SYN1: variants seen among roughly 807,000 people sequenced by gnomAD.
SYN1 encodes synapsin I.
SYN1 carries 8 observed loss-of-function variants against 44.6 expected under a neutral mutation model. That is an observed-to-expected ratio of 0.18 (90% confidence interval 0.11 to 0.32). The LOEUF is 0.32. Among genes scored for constraint, SYN1 ranks in the 10% least tolerant of loss-of-function variants. The pLI, the probability that SYN1 is intolerant of heterozygous loss-of-function variation, is 1.00. For missense variants in SYN1, 451 were observed against 639.4 expected (o/e 0.71, Z 3.18); for synonymous variants, 275 against 280.1 (o/e 0.98, Z 0.18).
intron 5 of SYN1, among the ~76,000 whole-genome samples, chrX:47,583,076 T>G: frequency 1.4e-5 from 1 of 72,212 alleles, no homozygotes; most frequent in African/African-American, 5.6e-5. Flanking sequence ...CAATCCCAAA[T>G]TCCTCACCCC....
chrX:47,575,655 AT>A, intron 9 of SYN1, among the ~76,000 whole-genome samples: 1 of 112,536 alleles, frequency 8.9e-6, no homozygotes, highest in Middle Eastern at 4.6e-3. Context: ...AGCCACACTT[AT>A]TTTTTTAACA....
At chrX:47,616,955 C>T (rs1343536856) in intron 1 of SYN1, among the ~76,000 whole-genome samples, 1 of 110,086 alleles carries the variant, frequency 9.1e-6, no homozygotes, top group Admixed American at 9.7e-5. Flanking sequence ...CAGTAGTATA[C>T]GATAAATGCT....
At chrX:47,601,050 G>A (rs1343405177) in intron 5 of SYN1, among the ~76,000 whole-genome samples, 1 of 111,452 alleles carries the variant, frequency 9.0e-6, no homozygotes, top group East Asian at 2.8e-4. Context: ...AGAAATAAAT[G>A]ACATAAAGAA....
At chrX:47,585,289 T>A (rs1360628820) in intron 5 of SYN1, 1 of 1,211,735 alleles carries the variant, frequency 8.3e-7, no homozygotes, top group South Asian at 1.8e-5. Context: ...CTGCGGATAC[T>A]TCCACAGGTC....
In SYN1 at chrX:47,605,323, T is replaced by C; in HGVS notation, c.584A>G (p.Asn195Ser). Residue 195 changes from asparagine (N) to serine (S), a missense_variant, in exon 4 of 13, where the codon AAC becomes AGC. Transcript: ENST00000295987. Reference protein sequence around the residue: ...IRQHAFSMARNGDYRSLVIGL... With the variant: ...IRQHAFSMARSGDYRSLVIGL... ...AATGACCAAACTGCGGTAGTCTCCG[T>C]TGCGTGCCATGCTGAAGGCGTGCTG... The C allele has an allele frequency of 8.3e-7, 1 of 1,211,271 alleles. No homozygotes were observed. The highest frequency in any genetic ancestry group is 1.1e-6 in the Non-Finnish European group (1 of 895,235).
At position 47,572,147 on chromosome X, in the gene SYN1, C is replaced by T. The variant is rs1030581385; in HGVS notation, c.*717G>A. The T allele has an allele frequency of 8.0e-6, 1 of 124,320 alleles. No homozygotes were observed. Among genetic ancestry groups the T allele is most frequent in the Non-Finnish European group, 1.7e-5 (1 of 60,543 alleles). 10.2% of individuals were successfully genotyped at this position (124,320 alleles called of 1,213,427 possible). A position where few individuals can be genotyped will look rare whatever the true frequency, so the allele number is the denominator to read the frequency against. On this transcript the variant is annotated 3_prime_UTR_variant, in exon 13 of 13. Transcript: ENST00000295987. The stretch of plus-strand genomic sequence containing the variant: ...CACAGCAAAGGTGGGGAAGCGGAGA[C>T]CACTGGCCTTCCGTGTGCAAAGGAT...
At chrX:47,589,047 A>G in intron 5 of SYN1, among the ~76,000 whole-genome samples, 1 of 111,315 alleles carries the variant, frequency 9.0e-6, no homozygotes, top group Non-Finnish European at 1.9e-5. Context: ...GACGCCTGTA[A>G]TACTAGCACT....
intron 5 of SYN1, among the ~76,000 whole-genome samples, chrX:47,592,725 C>A (rs2057851925): frequency 9.0e-6 from 1 of 111,276 alleles, no homozygotes; most frequent in Non-Finnish European, 1.9e-5. Flanking sequence ...CTTTGCACAT[C>A]CCTTGTTGAT....
At chrX:47,618,367 C>A (rs750679047) in intron 1 of SYN1, among the ~76,000 whole-genome samples, 1 of 112,028 alleles carries the variant, frequency 8.9e-6, no homozygotes, top group South Asian at 3.7e-4. Flanking sequence ...GCTCACACTG[C>A]AGGCAGTTGA....
intron 5 of SYN1, chrX:47,582,643 C>A: frequency 3.0e-6 from 1 of 332,843 alleles, no homozygotes; most frequent in Non-Finnish European, 6.1e-6. Context: ...GCTGGAACTG[C>A]TTTCCCAACC....
At position 47,607,033 on chromosome X, in the gene SYN1, C is replaced by T. The variant is rs201659924; in HGVS notation, c.439G>A (p.Glu147Lys). The T allele has an allele frequency of 6.6e-6, 8 of 1,208,517 alleles. No individual in the cohort carries two copies. The highest frequency in any genetic ancestry group is 1.8e-5 in the African/African-American group (1 of 56,926). Reference sequence around the variant, plus strand: ...GCCACAAGGTTGAGATCAGAGAATTCGGCCTGGGAAGGAGAAAAAAACTGG... The same window carrying T: ...GCCACAAGGTTGAGATCAGAGAATTTGGCCTGGGAAGGAGAAAAAAACTGG... ...GEIDIKVEQA[E>K]FSDLNLVAHA... Residue 147 changes from glutamate (E) to lysine (K), a missense_variant, in exon 3 of 13, where the codon GAA becomes AAA. Coordinates refer to ENST00000295987, the MANE Select transcript of SYN1 (RefSeq NM_006950.3).
chrX:47,619,171 G>C (rs1238428448), intron 1 of SYN1, among the ~76,000 whole-genome samples, 181 bp downstream of exon 1: 1 of 111,409 alleles, frequency 9.0e-6, no homozygotes, highest in Non-Finnish European at 1.9e-5. Context: ...AGGTTTAAGG[G>C]GCGGAGGGGG....
Position 47,574,274 on chromosome X carries a change from A to G in SYN1, c.1710T>C (p.Ser570=). The change falls in exon 12 of 13, where the codon TCT becomes TCC. Residue 570 remains serine, a synonymous_variant. Transcript: ENST00000295987. ...CAGAGGCCTTTGGCGGAGCCGGGCC[A>G]GAGACGGATGTCTGACGGGTAGCCT... The part of the protein sequence containing the change: ...PPQATRQTSV[S]GPAPPKASGA... 2 of 1,105,147 alleles carry G rather than the reference A, an allele frequency of 1.8e-6. No individual in the cohort carries two copies. The highest frequency in any genetic ancestry group is 1.9e-5 in the African/African-American group (1 of 52,503). The allele number at this position is 1,105,147 out of a possible 1,213,427, so 91.1% of individuals were successfully genotyped here.
intron 1 of SYN1, 94 bp from the exon 2 acceptor site, chrX:47,607,292 T>C: frequency 2.6e-6 from 2 of 756,706 alleles, no homozygotes; most frequent in Non-Finnish European, 4.0e-6. Flanking sequence ...TCAATGCTAC[T>C]AAAGAAACCA....
intron 6 of SYN1, 135 bp downstream of exon 6, chrX:47,577,304 A>G: frequency 3.0e-6 from 2 of 666,655 alleles, no homozygotes; most frequent in East Asian, 7.2e-5. Context: ...TTACCATAAG[A>G]ACTGGCAAAA....
rs2057942948 is a variant in SYN1 at position 47,619,823 on chromosome X, G to A, written c.-95C>T. 5.2e-6 allele frequency: 5 copies of A among 956,175 alleles called. No individual in the cohort carries two copies. The highest frequency in any genetic ancestry group is 5.6e-5 in the Admixed American group (2 of 35,820). The allele number at this position is 956,175 out of a possible 1,213,427, so 78.8% of individuals were successfully genotyped here. On this transcript the variant is annotated 5_prime_UTR_variant, in exon 1 of 13. Transcript: ENST00000295987. ...CCCAGGAGCACAGCTGCGCTCTCAGGCACGACACGACTCCTCCGCTGCCCA... is the reference window on the plus strand; with the variant it reads ...CCCAGGAGCACAGCTGCGCTCTCAGACACGACACGACTCCTCCGCTGCCCA...
intron 5 of SYN1, among the ~76,000 whole-genome samples, chrX:47,598,632 C>T (rs1334212031): frequency 9.0e-6 from 1 of 111,406 alleles, no homozygotes; most frequent in African/African-American, 3.3e-5. Flanking sequence ...TCGAGACCAG[C>T]CTGGCCAACA....
Position 47,605,380 on chromosome X carries a change from C to T in SYN1, c.528-1G>A. ...CAGCACAAAATCCGGCTTCAGAGAC[C>T]TAGTGTGGCAGGGGTAGGAGTGTTG... On this transcript the variant is annotated splice_acceptor_variant, in intron 3 of 12. Transcript: ENST00000295987. LOFTEE classifies it high-confidence loss of function. 1 of 1,211,159 alleles carries T rather than the reference C, an allele frequency of 8.3e-7. No homozygotes were observed. Among genetic ancestry groups the T allele is most frequent in the Non-Finnish European group, 1.1e-6 (1 of 895,182 alleles).
rs778081550 is a variant in SYN1, at chrX:47,595,792, G to A, written c.774+9186C>T. Among the ~76,000 whole-genome samples, 3 of 111,630 alleles carry A rather than the reference G, an allele frequency of 2.7e-5. No homozygotes were observed. In the South Asian group the frequency reaches 1.1e-3, roughly 42 times the overall value. On this transcript the variant is annotated intron_variant, in intron 5 of 12. Coordinates refer to ENST00000295987, the MANE Select transcript of SYN1 (RefSeq NM_006950.3). The stretch of plus-strand genomic sequence containing the variant: ...TTATCTTTGGGCTGGGGCCGGGAAA[G>A]AACAAGATATGCCTGGAGGTGATGT...
Sources: gnomAD v4.1 joint callset for allele counts (sites outside exome capture counted in the v4.1 genomes callset) on GRCh38, gnomAD v4.1.1 for gene constraint, MANE v1.5 for transcripts, NCBI Gene and HGNC (gene_info 2026-07-23, HGNC 2026-07-21) for gene names.